CCDC39: variants seen among roughly 807,000 people sequenced by gnomAD.
CCDC39 encodes the protein coiled-coil domain 39 molecular ruler complex subunit, also known as coiled-coil domain-containing protein 39.
A neutral mutation model predicts 121.0 loss-of-function variants in CCDC39; 113 were observed. The observed-to-expected ratio is 0.93, with a 90% CI of 0.80 to 1.09. CCDC39 has a LOEUF of 1.09. Ranked by LOEUF, CCDC39 falls within the 50% of genes least tolerant of loss-of-function variation. The pLI is 0.00. For synonymous variants in CCDC39, 349 were observed against 352.2 expected (o/e 0.99, Z 0.10); for missense variants, 1,063 against 1,074.7 (o/e 0.99, Z 0.15).
At chr3:180,644,839 G>C (rs934589955) in intron 11 of CCDC39, among the ~76,000 whole-genome samples, 4 of 152,138 alleles carry the variant, frequency 2.6e-5, no homozygotes, top group African/African-American at 9.7e-5. Context: ...GGATGAATCT[G>C]CAGATGTGGA....
At chr3:180,652,091 C>A in intron 8 of CCDC39, 72 bp downstream of exon 8, 1 of 841,680 alleles carries the variant, frequency 1.2e-6, no homozygotes, top group Non-Finnish European at 1.8e-6. Flanking sequence ...AACAAATAGT[C>A]TTAAGTATTT....
chr3:180,632,863 G>A (rs540109421), intron 13 of CCDC39, among the ~76,000 whole-genome samples: 9 of 152,288 alleles, frequency 5.9e-5, no homozygotes, highest in African/African-American at 2.2e-4. Flanking sequence ...ACAACTCTGG[G>A]CCATTCCCCT....
intron 13 of CCDC39, 64 bp from the exon 14 acceptor site, chr3:180,631,656 A>G: frequency 3.6e-6 from 5 of 1,388,420 alleles, no homozygotes; most frequent in East Asian, 2.4e-5. Context: ...AGGACTATCA[A>G]GTGTTCTTAT....
In CCDC39 at chr3:180,654,871, C is replaced by T. The variant is rs752180569; in HGVS notation, c.821G>A (p.Gly274Glu). 156 of 1,599,154 alleles carry T rather than the reference C, an allele frequency of 9.8e-5. 1 individual carries two copies. Among genetic ancestry groups the T allele is most frequent in the South Asian group, 3.3e-4 (29 of 86,782 alleles). The change falls in exon 7 of 20, where the codon GGG becomes GAG. Residue 274 changes from glycine to glutamate, a missense_variant. Transcript: ENST00000476379. ...TCTTTTCTCAAACTCTGTGTTATTCCCAATCTCACTTTCCAAAAACTTGAT... is the reference window on the plus strand; with the variant it reads ...TCTTTTCTCAAACTCTGTGTTATTCTCAATCTCACTTTCCAAAAACTTGAT... ...EKIKFLESEIGNNTEFEKRIS... is the reference protein window; with the variant it reads ...EKIKFLESEIENNTEFEKRIS...
chr3:180,635,822 TTCA>T (rs1420286656), intron 13 of CCDC39, among the ~76,000 whole-genome samples: 1 of 152,156 alleles, frequency 6.6e-6, no homozygotes, highest in Non-Finnish European at 1.5e-5. Flanking sequence ...ATAAATCTGA[TTCA>T]TCACATAAAC....
intron 1 of CCDC39, among the ~76,000 whole-genome samples, chr3:180,666,271 C>T (rs73885312): frequency 0.039 from 5,890 of 152,152 alleles, 393 homozygotes; most frequent in African/African-American, 0.14. Flanking sequence ...TTTCAAGTTT[C>T]GTCATTGACT....
chr3:180,665,715 CTCTT>C (rs1175186564), intron 1 of CCDC39, among the ~76,000 whole-genome samples: 1 of 151,640 alleles, frequency 6.6e-6, no homozygotes, highest in Non-Finnish European at 1.5e-5. Context: ...ATAAAGCAGT[CTCTT>C]TATTGTTTTC....
intron 2 of CCDC39, among the ~76,000 whole-genome samples, chr3:180,662,631 T>C (rs1191586475): frequency 6.6e-6 from 1 of 152,170 alleles, no homozygotes; most frequent in Non-Finnish European, 1.5e-5. Flanking sequence ...GGTTTGATGA[T>C]AATAAGATAC....
At chr3:180,634,810 C>T (rs1250752954) in intron 13 of CCDC39, among the ~76,000 whole-genome samples, 3 of 152,176 alleles carry the variant, frequency 2.0e-5, no homozygotes, top group Non-Finnish European at 4.4e-5. Flanking sequence ...CCAAAAATAA[C>T]TTCCTAACAT....
At chr3:180,648,870 C>A (rs1214897354) in intron 9 of CCDC39, among the ~76,000 whole-genome samples, 6 of 152,086 alleles carry the variant, frequency 3.9e-5, no homozygotes, top group Non-Finnish European at 8.8e-5. Context: ...CCCATTATGG[C>A]CAATTTCCTG....
chr3:180,637,462 T>C (rs1717857047), intron 13 of CCDC39, among the ~76,000 whole-genome samples: 1 of 152,122 alleles, frequency 6.6e-6, no homozygotes, highest in African/African-American at 2.4e-5. Flanking sequence ...AAAAAGGAAT[T>C]CTTATACAAT....
intron 8 of CCDC39, among the ~76,000 whole-genome samples, chr3:180,651,943 AG>A (rs1711500498): frequency 6.6e-6 from 1 of 152,060 alleles, no homozygotes; most frequent in African/African-American, 2.4e-5. Context: ...AGACTGAGGC[AG>A]GAAAATGGTG....
intron 11 of CCDC39, among the ~76,000 whole-genome samples, chr3:180,646,169 G>C (rs550223153): frequency 6.6e-6 from 1 of 151,718 alleles, no homozygotes; most frequent in East Asian, 1.9e-4. Flanking sequence ...TTTAAAACTA[G>C]TTTTATCTGA....
chr3:180,616,509 G>A lies in CCDC39; in HGVS notation c.2586+7C>T. 1 of 1,536,340 alleles carries A rather than the reference G, an allele frequency of 6.5e-7. No individual in the cohort carries two copies. Among genetic ancestry groups the A allele is most frequent in the Non-Finnish European group, 8.8e-7 (1 of 1,142,234 alleles). Reference sequence around the variant, plus strand: ...TAAGAAATATTTAATAGAAGGTGCTGTATTACCTGTTGAAAGTATGTTTGA... The same window carrying A: ...TAAGAAATATTTAATAGAAGGTGCTATATTACCTGTTGAAAGTATGTTTGA... On this transcript the variant is annotated splice_region_variant and intron_variant, in intron 18 of 19. Coordinates refer to ENST00000476379, the MANE Select transcript of CCDC39 (RefSeq NM_181426.2).
intron 14 of CCDC39, among the ~76,000 whole-genome samples, chr3:180,626,911 A>T (rs990051186): frequency 1.3e-5 from 2 of 152,218 alleles, no homozygotes; most frequent in Admixed American, 1.3e-4. Flanking sequence ...CAAAATGGCA[A>T]AATCCTAAAT....
At position 180,634,896 on chromosome 3, in the gene CCDC39, A is replaced by T. The variant is rs116073421; in HGVS notation, c.1875-3304T>A. Among the ~76,000 whole-genome samples the T allele has an allele frequency of 5.1e-3, 779 of 152,318 alleles. 9 individuals carry two copies. The highest frequency in any genetic ancestry group is 0.017 in the African/African-American group (727 of 41,564). On this transcript the variant is annotated intron_variant, in intron 13 of 19. Transcript: ENST00000476379. ...CACAAAGCCTTGGCCCTATGAAAAC[A>T]TCCAGAAAAGAAATCTGTTGACTGT...
chr3:180,659,470 G>A lies in CCDC39; in HGVS notation c.720C>T (p.Asp240=), dbSNP rs1289764986. 6 of 1,613,282 alleles carry A rather than the reference G, an allele frequency of 3.7e-6. No individual in the cohort carries two copies. The highest frequency in any genetic ancestry group is 1.7e-5 in the Admixed American group (1 of 59,984). The change falls in exon 6 of 20, where the codon GAC becomes GAT. Residue 240 remains aspartate, a synonymous_variant. Transcript: ENST00000476379. Reference sequence around the variant, plus strand: ...ACTTTACCAAAGCACAGTTATCTATGTCTCCATCCCTCTTCTGCATCTGTT... The same window carrying A: ...ACTTTACCAAAGCACAGTTATCTATATCTCCATCCCTCTTCTGCATCTGTT... The part of the protein sequence containing the change: ...TIEQMQKRDG[D]IDNCALELAR...
chr3:180,622,178 A>G (rs1408442080), intron 14 of CCDC39, among the ~76,000 whole-genome samples: 1 of 151,968 alleles, frequency 6.6e-6, no homozygotes, highest in Non-Finnish European at 1.5e-5. Flanking sequence ...TGTATCTGTT[A>G]TAAATGGAAT....
Position 180,631,457 on chromosome 3 carries a change from A to C in CCDC39, c.1998+12T>G. Reference sequence around the variant, plus strand: ...TTTCATACCATCACAACTGTGAATCAATTAAAATTACCTTTATTACATAAT... The same window carrying C: ...TTTCATACCATCACAACTGTGAATCCATTAAAATTACCTTTATTACATAAT... On this transcript the variant is annotated intron_variant, in intron 14 of 19. Coordinates refer to ENST00000476379, the MANE Select transcript of CCDC39 (RefSeq NM_181426.2). The C allele has an allele frequency of 6.3e-7, 1 of 1,594,832 alleles. No individual in the cohort carries two copies. Among genetic ancestry groups the C allele is most frequent in the Non-Finnish European group, 8.5e-7 (1 of 1,175,664 alleles).
Sources: gnomAD v4.1 joint callset for allele counts (sites outside exome capture counted in the v4.1 genomes callset) on GRCh38, gnomAD v4.1.1 for gene constraint, MANE v1.5 for transcripts, NCBI Gene and HGNC (gene_info 2026-07-23, HGNC 2026-07-21) for gene names.